Variants in RP1 observed in about 807,000 individuals in gnomAD.
RP1 encodes the protein RP1 axonemal microtubule associated.
In RP1, 16 loss-of-function variants were observed where a neutral mutation model predicts 14.8. The ratio of observed to expected loss-of-function variants is 1.08; its 90% confidence interval spans 0.73 to 1.65. The LOEUF is 1.65. RP1 is among the 40% of genes most tolerant of loss of function. The pLI, the probability that RP1 is intolerant of heterozygous loss-of-function variation, is 0.00. For missense variants in RP1, 2,631 were observed against 2,535.0 expected, an observed-to-expected ratio of 1.04 and a Z score of -0.81; for synonymous variants, 876 against 883.6, an observed-to-expected ratio of 0.99 and a Z score of 0.15.
rs749045018 is a variant in RP1 at position 54,621,335 on chromosome 8, C to T, written c.369C>T (p.Arg123=). Residue 123 remains arginine (R), a synonymous_variant, in exon 2 of 4, where the codon CGC becomes CGT. Coordinates refer to ENST00000220676, the MANE Select transcript of RP1 (RefSeq NM_006269.2). ...TAGACCTGGACAAAGCCCGTCGGCG[C>T]CCGCGGCCCTGGCTCAGCAGCCGGG... is the stretch of plus-strand genomic sequence containing the variant. ...QPVDLDKARR[R]PRPWLSSRAI... is the part of the protein sequence containing the mutation. 11 of 1,611,792 alleles carry T rather than the reference C, an allele frequency of 6.8e-6. No homozygotes were observed. The highest frequency in any genetic ancestry group is 6.8e-6 in the Non-Finnish European group (8 of 1,178,994).
intron 24 of RP1, among the ~76,000 whole-genome samples, chr8:54,789,464 C>G (rs754099556): frequency 2.6e-5 from 4 of 152,136 alleles, no homozygotes; most frequent in African/African-American, 9.7e-5. Context: ...ACATAGAACC[C>G]AGCCTGTGAT....
intron 24 of RP1, among the ~76,000 whole-genome samples, chr8:54,832,038 C>T (rs935133483): frequency 1.3e-5 from 2 of 151,708 alleles, no homozygotes; most frequent in African/African-American, 4.8e-5. Flanking sequence ...CTACTATTCT[C>T]CTATATAAAA....
At chr8:54,759,035 A>G in exon 22 of RP1, 1 of 1,535,716 alleles carries the variant, frequency 6.5e-7, no homozygotes, top group South Asian at 1.2e-5. Context: ...TCATAGTCAG[A>G]GAGCCCGGCA....
downstream of RP1, among the ~76,000 whole-genome samples, chr8:54,771,938 T>C (rs891167095): frequency 5.3e-5 from 8 of 152,048 alleles, no homozygotes; most frequent in African/African-American, 1.7e-4. Flanking sequence ...TATGCCCTTC[T>C]ATGTAGCTTT....
upstream of RP1, among the ~76,000 whole-genome samples, chr8:54,614,512 G>T (rs1404928020): frequency 6.6e-6 from 1 of 152,134 alleles, no homozygotes; most frequent in African/African-American, 2.4e-5. Context: ...AAATTCATGT[G>T]CACCTTCAAG....
intron 1 of RP1, among the ~76,000 whole-genome samples, chr8:54,619,584 A>G (rs757461515): frequency 6.6e-6 from 1 of 152,252 alleles, no homozygotes; most frequent in Non-Finnish European, 1.5e-5. Flanking sequence ...TTCACTGAGA[A>G]GTGGAAAAGG....
In RP1 at chr8:54,722,264, G is replaced by T. The variant is rs184953644; in HGVS notation, c.2389+1958G>T. Among the ~76,000 whole-genome samples, 911 of 143,080 alleles carry T rather than the reference G, an allele frequency of 6.4e-3. 14 individuals carry two copies. The highest frequency in any genetic ancestry group is 0.021 in the African/African-American group (821 of 38,298). The allele number at this position is 143,080 out of a possible 152,430, so 93.9% of individuals were successfully genotyped here. On this transcript the variant is annotated intron_variant, in intron 16 of 22. Coordinates refer to the RP1 transcript ENST00000636932. ...CAAGTCATTTTATTATTTTAGAATG[G>T]TTTTTTTTTTTGTGTGTGTGTGTGT...
chr8:54,577,491 GTTTAC>G (rs1804687661), intron 1 of RP1, among the ~76,000 whole-genome samples: 1 of 152,134 alleles, frequency 6.6e-6, no homozygotes, highest in Non-Finnish European at 1.5e-5. Flanking sequence ...GGTTTTTCAT[GTTTAC>G]TTGTGTACTT....
intron 1 of RP1, among the ~76,000 whole-genome samples, chr8:54,606,952 T>A (rs1202075631): frequency 6.6e-5 from 10 of 152,186 alleles, no homozygotes; most frequent in Non-Finnish European, 1.3e-4. Flanking sequence ...CGTCTAATTT[T>A]TTTTCAAGGT....
intron 22 of RP1, among the ~76,000 whole-genome samples, chr8:54,764,044 C>T (rs1273443699): frequency 6.6e-6 from 1 of 152,176 alleles, no homozygotes; most frequent in African/African-American, 2.4e-5. Flanking sequence ...AGGTGGAATG[C>T]CACCTCCACT....
chr8:54,605,858 C>A (rs1805426232), intron 1 of RP1, among the ~76,000 whole-genome samples: 1 of 152,084 alleles, frequency 6.6e-6, no homozygotes, highest in Non-Finnish European at 1.5e-5. Context: ...ACTAGGATTG[C>A]AACCCCTGCC....
intron 1 of RP1, among the ~76,000 whole-genome samples, chr8:54,608,020 G>A (rs1249101085): frequency 2.0e-5 from 3 of 151,956 alleles, no homozygotes; most frequent in South Asian, 2.1e-4. Context: ...ACCCTGCTTC[G>A]GCTCATGCTT....
At chr8:54,652,794 C>A (rs1360290333) in exon 5 of RP1, 1 of 1,535,538 alleles carries the variant, frequency 6.5e-7, no homozygotes, top group African/African-American at 1.4e-5. Flanking sequence ...CAGTTGGAGA[C>A]ATTGGAGCAC....
exon 19 of RP1, chr8:54,739,028 G>A: frequency 6.6e-7 from 1 of 1,526,306 alleles, no homozygotes; most frequent in Admixed American, 2.0e-5. Context: ...AACTTGCAGA[G>A]GGTAATCATG....
intron 23 of RP1, chr8:54,783,415 C>A: frequency 4.5e-6 from 2 of 449,364 alleles, no homozygotes; most frequent in Non-Finnish European, 7.3e-6. Context: ...CCATGATAAG[C>A]AATTATTTTA....
At chr8:54,761,942 C>G (rs898054059) in intron 22 of RP1, among the ~76,000 whole-genome samples, 2 of 152,178 alleles carry the variant, frequency 1.3e-5, no homozygotes, top group Non-Finnish European at 2.9e-5. Context: ...AAAGGCCATT[C>G]TGAAGCCACT....
intron 24 of RP1, among the ~76,000 whole-genome samples, chr8:54,816,161 G>C (rs1302044143): frequency 2.6e-5 from 4 of 152,004 alleles, no homozygotes; most frequent in African/African-American, 9.7e-5. Context: ...TGAGAGAAAA[G>C]GGAAAAGTAT....
intron 24 of RP1, among the ~76,000 whole-genome samples, chr8:54,812,260 C>G (rs1188078033): frequency 1.8e-4 from 28 of 152,214 alleles, no homozygotes; most frequent in Non-Finnish European, 1.3e-4. Context: ...TGTGCCTCAG[C>G]CTTCCGAGTA....
chr8:54,776,890 A>C (rs1330814734), intron 23 of RP1, among the ~76,000 whole-genome samples: 1 of 152,192 alleles, frequency 6.6e-6, no homozygotes, highest in African/African-American at 2.4e-5. Context: ...AAACTGCACT[A>C]AAGTATAGTT....
Sources: allele counts gnomAD v4.1 joint callset (sites outside exome capture counted in the v4.1 genomes callset), GRCh38; gene constraint gnomAD v4.1.1; transcripts MANE v1.5; gene names NCBI Gene and HGNC (gene_info 2026-07-23, HGNC 2026-07-21).